Variants in RIC1 observed in about 807,000 individuals in gnomAD.
The protein encoded by RIC1 is guanine nucleotide exchange factor subunit RIC1.
RIC1 carries 88 observed loss-of-function variants against 169.0 expected under a neutral mutation model. The ratio of observed to expected loss-of-function variants is 0.52; its 90% confidence interval spans 0.44 to 0.62. The LOEUF (loss-of-function observed/expected upper bound fraction) is 0.62. RIC1 is among the 20% of genes least tolerant of loss of function. The probability of loss-of-function intolerance (pLI) is 0.00; values close to 1 mark genes in which losing one functional copy is unlikely to be tolerated. For synonymous variants in RIC1, 790 were observed against 601.5 expected, an observed-to-expected ratio of 1.31 and a Z score of -4.59; for missense variants, 1,877 against 1,725.5, an observed-to-expected ratio of 1.09 and a Z score of -1.56.
Position 5,690,027 on chromosome 9 carries a change from A to G in RIC1, c.321A>G (p.Pro107=). Residue 107 remains proline (P), a synonymous_variant, in exon 3 of 26, where the codon CCA becomes CCG. Coordinates refer to ENST00000414202, the MANE Select transcript of RIC1 (RefSeq NM_020829.4). The part of the protein sequence containing the change: ...STRGDKYLYE[P]VYPKGSPQMK... ...GAGGGGACAAGTACCTTTATGAACC[A>G]GTGTATCCCAAGTAAGTTTGTTGCC... 1.3e-6 allele frequency: 2 copies of G among 1,590,222 alleles called. No homozygotes were observed. Among genetic ancestry groups the G allele is most frequent in the Non-Finnish European group, 1.7e-6 (2 of 1,170,242 alleles).
intron 23 of RIC1, among the ~76,000 whole-genome samples, chr9:5,771,027 A>G (rs1364226844): frequency 6.6e-6 from 1 of 152,184 alleles, no homozygotes; most frequent in Non-Finnish European, 1.5e-5. Flanking sequence ...AGCTTCTGCT[A>G]TGTGAGGAGG....
At chr9:5,649,337 C>A (rs974967378) in intron 1 of RIC1, among the ~76,000 whole-genome samples, 2 of 152,112 alleles carry the variant, frequency 1.3e-5, no homozygotes, top group African/African-American at 4.8e-5. Flanking sequence ...ACCAAAAATT[C>A]AAATAGATCA....
chr9:5,757,455 C>CCGA lies in RIC1; in HGVS notation c.1992+5_1992+6insGAC, dbSNP rs774433959. ...CACCTTGAAAATGCCACAGCAGGTACCACTCCATTATCAAAGGTCTTTGGA... is the reference window on the plus strand; with the variant it reads ...CACCTTGAAAATGCCACAGCAGGTACCGACACTCCATTATCAAAGGTCTTTGGA... On this transcript the variant is annotated splice_donor_region_variant and intron_variant, in intron 17 of 25. Coordinates refer to ENST00000414202, the MANE Select transcript of RIC1 (RefSeq NM_020829.4). 16 of 1,613,708 alleles carry CCGA rather than the reference C, an allele frequency of 9.9e-6. No individual in the cohort carries two copies. The African/African-American group carries it at 2.1e-4, about 22-fold the overall frequency.
intron 1 of RIC1, among the ~76,000 whole-genome samples, chr9:5,638,255 T>G (rs1818071151): frequency 6.6e-6 from 1 of 152,210 alleles, no homozygotes. Flanking sequence ...AGCTTGTATT[T>G]TGTTGAGGGT....
At chr9:5,750,850 G>A (rs1165416020) in intron 12 of RIC1, among the ~76,000 whole-genome samples, 2 of 151,634 alleles carry the variant, frequency 1.3e-5, no homozygotes, top group Admixed American at 1.3e-4. Context: ...GAGTTCAGAT[G>A]ACACATAGAT....
At chr9:5,650,847 G>C (rs1485205498) in intron 1 of RIC1, among the ~76,000 whole-genome samples, 1 of 152,114 alleles carries the variant, frequency 6.6e-6, no homozygotes, top group Admixed American at 6.6e-5. Context: ...TAATACCAGG[G>C]ACTCTGCCAC....
At chr9:5,652,247 C>T (rs1364487284) in intron 1 of RIC1, among the ~76,000 whole-genome samples, 1 of 152,144 alleles carries the variant, frequency 6.6e-6, no homozygotes, top group African/African-American at 2.4e-5. Context: ...TGCTGTGAGG[C>T]ATATCATTGG....
chr9:5,750,639 C>T lies in RIC1; in HGVS notation c.1453-2561C>T, dbSNP rs552984589. Among the ~76,000 whole-genome samples the T allele has an allele frequency of 8.6e-5, 13 of 151,810 alleles. No individual in the cohort carries two copies. The South Asian group carries it at 2.5e-3, about 29-fold the overall frequency. Reference sequence around the variant, plus strand: ...TAAAAATCATAATAACAAATGAGGGCGGATTCAGTTTCTTTAAGAGAAACT... The same window carrying T: ...TAAAAATCATAATAACAAATGAGGGTGGATTCAGTTTCTTTAAGAGAAACT... On this transcript the variant is annotated intron_variant, in intron 12 of 25. Transcript: ENST00000414202.
intron 1 of RIC1, among the ~76,000 whole-genome samples, chr9:5,650,246 G>A (rs1818728297): frequency 6.6e-6 from 1 of 152,128 alleles, no homozygotes; most frequent in African/African-American, 2.4e-5. Flanking sequence ...ATGTGGTATG[G>A]GCTATGGCAG....
chr9:5,718,028 T>A (rs888608011), intron 4 of RIC1, among the ~76,000 whole-genome samples: 9 of 150,178 alleles, frequency 6.0e-5, no homozygotes, highest in African/African-American at 2.2e-4. Context: ...TAATCCCAGC[T>A]ACTAGGGAGG....
chr9:5,683,984 C>T (rs1821035697), intron 2 of RIC1, among the ~76,000 whole-genome samples: 2 of 152,152 alleles, frequency 1.3e-5, no homozygotes, highest in South Asian at 4.1e-4. Flanking sequence ...ATTTGTTAAC[C>T]CTGTTGGAAG....
At chr9:5,632,442 T>G (rs776502349) in intron 1 of RIC1, among the ~76,000 whole-genome samples, 7 of 152,234 alleles carry the variant, frequency 4.6e-5, no homozygotes, top group Non-Finnish European at 1.0e-4. Context: ...TTCCACTGTT[T>G]AGACTCATAT....
At chr9:5,756,104 TAA>T (rs370435478) in intron 15 of RIC1, 106 bp from the exon 16 acceptor site, 11,925 of 451,616 alleles carry the variant, frequency 0.026, no homozygotes, top group Middle Eastern at 0.034. Flanking sequence ...CTCCTGTTAC[TAA>T]AAAAAAAAAA....
chr9:5,743,807 AT>A, intron 10 of RIC1, 70 bp downstream of exon 10: 1 of 1,147,904 alleles, frequency 8.7e-7, no homozygotes, highest in Non-Finnish European at 1.3e-6. Flanking sequence ...TTTTTCACTC[AT>A]TTTTATTTAT....
chr9:5,645,007 C>G (rs1314493576), intron 1 of RIC1, among the ~76,000 whole-genome samples: 2 of 152,136 alleles, frequency 1.3e-5, no homozygotes, highest in African/African-American at 2.4e-5. Context: ...TGCTTATTAG[C>G]TATTTATATA....
At chr9:5,682,925 C>T (rs538893147) in intron 2 of RIC1, among the ~76,000 whole-genome samples, 7 of 152,316 alleles carry the variant, frequency 4.6e-5, no homozygotes, top group South Asian at 4.2e-4. Context: ...CATCTTCCAT[C>T]GCTGATACCC....
chr9:5,745,494 T>G (rs776879429), intron 10 of RIC1, among the ~76,000 whole-genome samples: 2 of 152,186 alleles, frequency 1.3e-5, no homozygotes, highest in Non-Finnish European at 2.9e-5. Flanking sequence ...GTCTCACAGC[T>G]TCCAATCCAA....
intron 4 of RIC1, among the ~76,000 whole-genome samples, chr9:5,716,245 A>T (rs1174291414): frequency 6.6e-6 from 1 of 152,192 alleles, no homozygotes; most frequent in Non-Finnish European, 1.5e-5. Context: ...AGGCTCTCTA[A>T]GGATATAACT....
intron 6 of RIC1, among the ~76,000 whole-genome samples, chr9:5,731,716 A>C (rs776241081): frequency 6.6e-6 from 1 of 152,182 alleles, no homozygotes; most frequent in South Asian, 2.1e-4. Flanking sequence ...TATTTATTGA[A>C]TGCTTGTTGA....
Sources: gnomAD v4.1 joint callset for allele counts (sites outside exome capture counted in the v4.1 genomes callset) on GRCh38, gnomAD v4.1.1 for gene constraint, MANE v1.5 for transcripts, NCBI Gene and HGNC (gene_info 2026-07-23, HGNC 2026-07-21) for gene names.